TNFRSF21: variants seen among roughly 807,000 people sequenced by gnomAD.
TNFRSF21 encodes tumor necrosis factor receptor superfamily member 21.
TNFRSF21 carries 19 observed loss-of-function variants against 45.6 expected under a neutral mutation model. The observed-to-expected ratio is 0.42, with a 90% confidence interval of 0.29 to 0.61. The LOEUF (loss-of-function observed/expected upper bound fraction) is 0.61, where lower values mean the gene tolerates loss of function less well. TNFRSF21 is among the 20% of genes least tolerant of loss of function. TNFRSF21 has a pLI of 0.23. For missense variants in TNFRSF21, 737 were observed against 851.5 expected, an observed-to-expected ratio of 0.87 and a Z score of 1.67; for synonymous variants, 314 against 335.5, an observed-to-expected ratio of 0.94 and a Z score of 0.70.
intron 4 of TNFRSF21, among the ~76,000 whole-genome samples, chr6:47,240,267 T>C (rs1313142701): frequency 1.3e-5 from 2 of 152,232 alleles, no homozygotes; most frequent in Non-Finnish European, 2.9e-5. Flanking sequence ...GGAAGAGTTC[T>C]ATGTTACATT....
At chr6:47,241,645 T>C (rs943402200) in intron 4 of TNFRSF21, among the ~76,000 whole-genome samples, 1 of 152,180 alleles carries the variant, frequency 6.6e-6, no homozygotes, top group Non-Finnish European at 1.5e-5. Flanking sequence ...TATGCCAAAA[T>C]GTGAATAACA....
At chr6:47,256,781 C>T (rs1764995230) in intron 3 of TNFRSF21, among the ~76,000 whole-genome samples, 1 of 152,164 alleles carries the variant, frequency 6.6e-6, no homozygotes, top group Non-Finnish European at 1.5e-5. Context: ...GTAGACTCTT[C>T]CAAACACCAA....
chr6:47,284,542 T>C, intron 2 of TNFRSF21, 110 bp from the exon 3 acceptor site: 1 of 1,268,298 alleles, frequency 7.9e-7, no homozygotes, highest in Non-Finnish European at 1.0e-6. Context: ...AAAGATAAGA[T>C]GACCCTTGGG....
chr6:47,255,102 A>G (rs1363819931), intron 3 of TNFRSF21, among the ~76,000 whole-genome samples: 1 of 152,166 alleles, frequency 6.6e-6, no homozygotes, highest in Non-Finnish European at 1.5e-5. Flanking sequence ...GTCCCCAATG[A>G]TTCAATATAT....
chr6:47,267,092 CTT>C (rs10582640), intron 3 of TNFRSF21, among the ~76,000 whole-genome samples: 10,810 of 145,198 alleles, frequency 0.074, 1,261 homozygotes, highest in African/African-American at 0.25. Context: ...TTTCTTTTTT[CTT>C]TTTTTTTTTT....
intron 3 of TNFRSF21, among the ~76,000 whole-genome samples, chr6:47,275,053 T>C (rs987737382): frequency 4.0e-5 from 6 of 150,986 alleles, no homozygotes; most frequent in Non-Finnish European, 8.9e-5. Flanking sequence ...CCACTCCTAA[T>C]GTGGGAGTGT....
chr6:47,249,645 T>C (rs987595064), intron 4 of TNFRSF21, among the ~76,000 whole-genome samples: 1 of 152,236 alleles, frequency 6.6e-6, no homozygotes, highest in African/African-American at 2.4e-5. Context: ...TGTAAAACTG[T>C]AATAACTCTG....
chr6:47,273,803 A>C (rs768229408), intron 3 of TNFRSF21, among the ~76,000 whole-genome samples: 2 of 151,396 alleles, frequency 1.3e-5, no homozygotes, highest in Non-Finnish European at 3.0e-5. Context: ...TGAGGATATA[A>C]AATCAATGTG....
At chr6:47,264,848 A>T (rs908688456) in intron 3 of TNFRSF21, among the ~76,000 whole-genome samples, 22 of 152,312 alleles carry the variant, frequency 1.4e-4, no homozygotes, top group African/African-American at 5.1e-4. Flanking sequence ...CTGGAAAATG[A>T]CTGCGGCTGT....
intron 1 of TNFRSF21, among the ~76,000 whole-genome samples, chr6:47,292,494 T>C (rs373400670): frequency 6.6e-6 from 1 of 152,194 alleles, no homozygotes; most frequent in East Asian, 1.9e-4. Flanking sequence ...TTCCAAGTGA[T>C]TCTGATGCCC....
At chr6:47,268,304 C>A (rs1433331510) in intron 3 of TNFRSF21, among the ~76,000 whole-genome samples, 1 of 152,176 alleles carries the variant, frequency 6.6e-6, no homozygotes, top group Non-Finnish European at 1.5e-5. Flanking sequence ...GTGCCTGGAA[C>A]ATCATAAGCA....
chr6:47,293,566 T>C (rs1762755989), intron 1 of TNFRSF21, among the ~76,000 whole-genome samples: 1 of 152,208 alleles, frequency 6.6e-6, no homozygotes, highest in Admixed American at 6.5e-5. Flanking sequence ...TGTCAACACC[T>C]GCACAGGGCA....
intron 3 of TNFRSF21, among the ~76,000 whole-genome samples, chr6:47,271,363 CAT>C (rs1262210206): frequency 1.3e-5 from 2 of 152,200 alleles, no homozygotes; most frequent in African/African-American, 4.8e-5. Context: ...CAATATTTAA[CAT>C]TCTTAAAGAA....
intron 3 of TNFRSF21, among the ~76,000 whole-genome samples, chr6:47,278,350 C>T (rs1045944818): frequency 6.6e-6 from 1 of 152,218 alleles, no homozygotes; most frequent in African/African-American, 2.4e-5. Flanking sequence ...GGATGCTTTA[C>T]ACCAGTGCTA....
intron 3 of TNFRSF21, among the ~76,000 whole-genome samples, chr6:47,283,244 A>G (rs1245637233): frequency 6.6e-6 from 1 of 152,172 alleles, no homozygotes; most frequent in Non-Finnish European, 1.5e-5. Context: ...TTGCCCTCAA[A>G]AGAGGAAAGG....
intron 4 of TNFRSF21, among the ~76,000 whole-genome samples, chr6:47,241,296 G>A (rs909253434): frequency 2.6e-5 from 4 of 151,708 alleles, no homozygotes; most frequent in African/African-American, 9.7e-5. Flanking sequence ...TCCTAAGTTC[G>A]GACACTGTAA....
chr6:47,257,705 G>A (rs1765008300), intron 3 of TNFRSF21, among the ~76,000 whole-genome samples: 1 of 152,192 alleles, frequency 6.6e-6, no homozygotes, highest in Non-Finnish European at 1.5e-5. Context: ...CTGGACAGTG[G>A]AGAAATGGGT....
At chr6:47,266,865 C>G (rs1051659568) in intron 3 of TNFRSF21, among the ~76,000 whole-genome samples, 4 of 152,154 alleles carry the variant, frequency 2.6e-5, no homozygotes, top group Admixed American at 1.3e-4. Context: ...CACAGCTTCC[C>G]TCCCGAGCCA....
chr6:47,233,791 A>C (rs1384052450), intron 5 of TNFRSF21, among the ~76,000 whole-genome samples: 1 of 151,984 alleles, frequency 6.6e-6, no homozygotes, highest in Non-Finnish European at 1.5e-5. Flanking sequence ...TTTCACTAAA[A>C]TATAACTGGA....
Sources: gnomAD v4.1 joint callset for allele counts (sites outside exome capture counted in the v4.1 genomes callset) on GRCh38, gnomAD v4.1.1 for gene constraint, MANE v1.5 for transcripts, NCBI Gene and HGNC (gene_info 2026-07-23, HGNC 2026-07-21) for gene names.